Variants in PDE4B observed in about 807,000 individuals in gnomAD.
PDE4B encodes 3',5'-cyclic-AMP phosphodiesterase 4B.
In PDE4B, 20 loss-of-function variants were observed where a neutral mutation model predicts 82.2. That is an observed-to-expected ratio of 0.24 (90% CI 0.17 to 0.35). The LOEUF is 0.35. Ranked by LOEUF, PDE4B falls within the 10% of genes least tolerant of loss-of-function variation. The pLI is 1.00. For synonymous variants in PDE4B, 320 were observed against 318.9 expected, an observed-to-expected ratio of 1.00 and a Z score of -0.04; for missense variants, 655 against 907.2, an observed-to-expected ratio of 0.72 and a Z score of 3.57.
rs116151093 is a variant in PDE4B, at chr1:66,339,146, G to A, written c.747+6526G>A. 3.7e-3 allele frequency among the ~76,000 whole-genome samples: 559 copies of A among 152,044 alleles called. 7 individuals are homozygous for A. The highest frequency in any genetic ancestry group is 0.013 in the African/African-American group (528 of 41,448). On this transcript the variant is annotated intron_variant, in intron 8 of 16. Transcript: ENST00000341517. ...GCATGGAACATGACCATAAAACAGA[G>A]AATTAATGCTTCAGTAATATGTAAG...
At chr1:65,894,852 C>T (rs1263768179) in intron 1 of PDE4B, among the ~76,000 whole-genome samples, 1 of 151,978 alleles carries the variant, frequency 6.6e-6, no homozygotes, top group East Asian at 1.9e-4. Flanking sequence ...GTAAAATGAA[C>T]AAAAACAGGA....
At chr1:66,343,068 C>CAA (rs982702110) in intron 8 of PDE4B, among the ~76,000 whole-genome samples, 86 of 148,210 alleles carry the variant, frequency 5.8e-4, no homozygotes, top group African/African-American at 2.2e-3. Flanking sequence ...CAAAAAACAA[C>CAA]AACAAAAAAA....
At chr1:65,931,866 T>C (rs1176984799) in intron 3 of PDE4B, among the ~76,000 whole-genome samples, 1 of 152,190 alleles carries the variant, frequency 6.6e-6, no homozygotes, top group Non-Finnish European at 1.5e-5. Context: ...CCCCAAAGGA[T>C]GGGCCTTTCT....
intron 9 of PDE4B, among the ~76,000 whole-genome samples, chr1:66,358,022 G>C (rs1361899926): frequency 6.6e-6 from 1 of 152,182 alleles, no homozygotes; most frequent in Non-Finnish European, 1.5e-5. Flanking sequence ...GTCTTATCCT[G>C]TGAGCATGAT....
chr1:65,948,745 A>G (rs1648842571), intron 3 of PDE4B, among the ~76,000 whole-genome samples: 2 of 152,070 alleles, frequency 1.3e-5, no homozygotes, highest in South Asian at 2.1e-4. Context: ...ATCAGCATCA[A>G]TCTGTATTCA....
At chr1:65,800,708 C>G (rs1645684300) in intron 1 of PDE4B, among the ~76,000 whole-genome samples, 1 of 152,126 alleles carries the variant, frequency 6.6e-6, no homozygotes, top group South Asian at 2.1e-4. Context: ...AGAAAGATCT[C>G]CAGGAAGTTA....
At chr1:65,807,936 A>G (rs892917474) in intron 1 of PDE4B, among the ~76,000 whole-genome samples, 1 of 152,070 alleles carries the variant, frequency 6.6e-6, no homozygotes, top group African/African-American at 2.4e-5. Context: ...CTTCATGGAG[A>G]TCCTTTTTGT....
intron 7 of PDE4B, among the ~76,000 whole-genome samples, chr1:66,277,498 C>T (rs866841773): frequency 5.9e-5 from 9 of 152,230 alleles, no homozygotes; most frequent in African/African-American, 1.2e-4. Flanking sequence ...TGGGTTCAAC[C>T]GATTCTCCTG....
chr1:65,928,416 C>T (rs577845022), intron 3 of PDE4B, among the ~76,000 whole-genome samples: 10 of 152,318 alleles, frequency 6.6e-5, no homozygotes, highest in East Asian at 3.9e-4. Context: ...TAACTCTACA[C>T]GAGTCAGACC....
chr1:66,098,577 T>C, intron 3 of PDE4B, among the ~76,000 whole-genome samples: 1 of 152,120 alleles, frequency 6.6e-6, no homozygotes, highest in Admixed American at 6.6e-5. Flanking sequence ...CCATTGACAG[T>C]TCAAAACATG....
chr1:66,371,798 G>T (rs1446530918), intron 16 of PDE4B, among the ~76,000 whole-genome samples: 2 of 152,124 alleles, frequency 1.3e-5, no homozygotes, highest in African/African-American at 4.8e-5. Context: ...AGTTAACAAG[G>T]AAAAAATATT....
chr1:65,838,592 T>C (rs1193378123), intron 1 of PDE4B, among the ~76,000 whole-genome samples: 2 of 148,354 alleles, frequency 1.3e-5, no homozygotes, highest in Non-Finnish European at 3.0e-5. Context: ...TATATATATG[T>C]ATATGTATCT....
chr1:66,353,095 A>G (rs1661961336), intron 8 of PDE4B, among the ~76,000 whole-genome samples: 1 of 152,240 alleles, frequency 6.6e-6, no homozygotes, highest in South Asian at 2.1e-4. Context: ...AGGATTTAAA[A>G]TGAGAGGCCA....
chr1:66,360,819 T>A (rs578221475), intron 9 of PDE4B: 2 of 152,322 alleles, frequency 1.3e-5, no homozygotes, highest in East Asian at 1.9e-4. Context: ...ATCCTAGCTC[T>A]GCTGTTACCT....
In PDE4B at chr1:66,153,886, A is replaced by G. The variant is rs375981477; in HGVS notation, c.282-93574A>G. On this transcript the variant is annotated intron_variant, in intron 3 of 16. Transcript: ENST00000341517. ...GTGTGATGTGACCTGAGGGGCATCAAGGAGGTTCGCTGATCCAAAAATATC... is the reference window on the plus strand; with the variant it reads ...GTGTGATGTGACCTGAGGGGCATCAGGGAGGTTCGCTGATCCAAAAATATC... Among the ~76,000 whole-genome samples, 12 of 152,326 alleles carry G rather than the reference A, an allele frequency of 7.9e-5. No individual in the cohort carries two copies. In the East Asian group the frequency reaches 1.9e-3, roughly 24 times the overall value.
intron 3 of PDE4B, among the ~76,000 whole-genome samples, chr1:65,986,134 C>G (rs1433099913): frequency 6.6e-6 from 1 of 151,980 alleles, no homozygotes. Context: ...TTTGACGTGC[C>G]AAATTTATTT....
chr1:66,045,865 A>G (rs1213587960), intron 3 of PDE4B, among the ~76,000 whole-genome samples: 1 of 151,794 alleles, frequency 6.6e-6, no homozygotes, highest in Non-Finnish European at 1.5e-5. Flanking sequence ...GGAACCATGT[A>G]TAGTTAAATA....
intron 1 of PDE4B, among the ~76,000 whole-genome samples, chr1:65,798,905 AT>A (rs1434257297): frequency 2.0e-5 from 3 of 151,246 alleles, no homozygotes; most frequent in East Asian, 1.9e-4. Context: ...TCTATGGAAC[AT>A]TTTTTTTTCA....
chr1:66,120,474 C>T (rs1344533772), intron 3 of PDE4B, among the ~76,000 whole-genome samples: 1 of 152,144 alleles, frequency 6.6e-6, no homozygotes, highest in Admixed American at 6.5e-5. Context: ...CATCATATCT[C>T]CTGAAAGTTT....
Sources: gnomAD v4.1 joint callset for allele counts (sites outside exome capture counted in the v4.1 genomes callset) on GRCh38, gnomAD v4.1.1 for gene constraint, MANE v1.5 for transcripts, NCBI Gene and HGNC (gene_info 2026-07-23, HGNC 2026-07-21) for gene names.